Variants in SASH3 observed in about 807,000 individuals in gnomAD.
The protein encoded by SASH3 is SAM and SH3 domain-containing protein 3.
In SASH3, 7 loss-of-function variants were observed where a neutral mutation model predicts 26.1. The observed-to-expected ratio is 0.27, with a 90% CI of 0.15 to 0.50. The LOEUF is 0.50. Ranked by LOEUF, SASH3 falls within the 20% of genes least tolerant of loss-of-function variation. The pLI is 0.98. For missense variants in SASH3, 231 were observed against 318.3 expected, an observed-to-expected ratio of 0.73 and a Z score of 2.09; for synonymous variants, 138 against 136.8, an observed-to-expected ratio of 1.01 and a Z score of -0.06.
chrX:129,788,327 C>T lies in SASH3; in HGVS notation c.154-104C>T, dbSNP rs1360398322. The T allele has an allele frequency of 7.9e-6, 7 of 887,096 alleles. No individual in the cohort carries two copies. In the Admixed American group the frequency reaches 1.3e-4, roughly 16 times the overall value. The allele number at this position is 887,096 out of a possible 1,213,427, so 73.1% of individuals were successfully genotyped here. On this transcript the variant is annotated intron_variant, in intron 2 of 7. Coordinates refer to ENST00000356892, the MANE Select transcript of SASH3 (RefSeq NM_018990.4). The stretch of plus-strand genomic sequence containing the variant: ...GGAGGGGATGGGGGCCTCTCAGTTC[C>T]ACCCCCTCCAGCTTCTGCTGTGACC...
chrX:129,782,109 T>A (rs1927027564), intron 1 of SASH3, among the ~76,000 whole-genome samples: 1 of 112,518 alleles, frequency 8.9e-6, no homozygotes. Context: ...GCAAGAAAGC[T>A]GAGCTGGAAT....
chrX:129,793,545 G>T, intron 7 of SASH3, 97 bp from the exon 8 acceptor site: 1 of 898,587 alleles, frequency 1.1e-6, no homozygotes. Context: ...GGGGCAGGGC[G>T]GTGGCAGGTG....
intron 1 of SASH3, 78 bp downstream of exon 1, chrX:129,780,232 G>A: frequency 2.0e-6 from 2 of 979,958 alleles, no homozygotes; most frequent in Non-Finnish European, 2.9e-6. Flanking sequence ...CTTGGAAGTG[G>A]GAAGAGCCAA....
At position 129,788,496 on chromosome X, in the gene SASH3, G is replaced by A. The variant is rs1334170684; in HGVS notation, c.219G>A (p.Gly73=). Reference sequence around the variant, plus strand: ...CTGGGAAGAGTGGCAAAAAGCTGGGGAAGAAGTGGAGGGCAGTGATTTCCC... The same window carrying A: ...CTGGGAAGAGTGGCAAAAAGCTGGGAAAGAAGTGGAGGGCAGTGATTTCCC... The part of the protein sequence containing the change: ...EDAGKSGKKL[G]KKWRAVISRT... Residue 73 remains glycine (G), a synonymous_variant, in exon 3 of 8, where the codon GGG becomes GGA. Transcript: ENST00000356892. 2.5e-6 allele frequency: 3 copies of A among 1,211,546 alleles called. No homozygotes were observed. The highest frequency in any genetic ancestry group is 3.4e-6 in the Non-Finnish European group (3 of 895,127).
Position 129,792,371 on chromosome X carries a change from G to A in SASH3, c.486G>A (p.Gly162=). Residue 162 remains glycine (G), a synonymous_variant, in exon 5 of 8, where the codon GGG becomes GGA. Transcript: ENST00000356892. ...CSPSPGSGSF[G]EEPPAPQYTG... Reference sequence around the variant, plus strand: ...CCAGCCCAGGTTCTGGCAGCTTCGGGGAGGAACCACCTGCCCCCCAGTACA... The same window carrying A: ...CCAGCCCAGGTTCTGGCAGCTTCGGAGAGGAACCACCTGCCCCCCAGTACA... 8.3e-7 allele frequency: 1 copy of A among 1,211,075 alleles called. No homozygotes were observed.
chrX:129,792,914 C>T, intron 6 of SASH3, 75 bp from the exon 7 acceptor site: 1 of 1,195,980 alleles, frequency 8.4e-7, no homozygotes, highest in Non-Finnish European at 1.1e-6. Context: ...GAAATGACAG[C>T]TATGCGTAGT....
intron 1 of SASH3, among the ~76,000 whole-genome samples, chrX:129,786,571 G>A (rs145633989): frequency 0.012 from 1,294 of 111,949 alleles, 18 homozygotes; most frequent in African/African-American, 0.039. Context: ...GTTCCTGTGT[G>A]TATCTTCTGG....
At chrX:129,793,232 T>A (rs1927265387) in intron 7 of SASH3, 93 bp downstream of exon 7, 10 of 1,005,380 alleles carry the variant, frequency 9.9e-6, no homozygotes, top group Non-Finnish European at 1.4e-5. Context: ...CTGTCCACGC[T>A]CTGCCCTAGG....
rs776424343 is a variant in SASH3 at position 129,792,369 on chromosome X, G to C, written c.484G>C (p.Gly162Arg). 8.3e-7 allele frequency: 1 copy of C among 1,210,783 alleles called. No homozygotes were observed. ...CSPSPGSGSF[G>R]EEPPAPQYTG... ...CCCCAGCCCAGGTTCTGGCAGCTTC[G>C]GGGAGGAACCACCTGCCCCCCAGTA... The change falls in exon 5 of 8, where the codon GGG (glycine) becomes CGG (arginine). Residue 162 changes from glycine to arginine, a missense_variant. Transcript: ENST00000356892.
chrX:129,784,826 G>T, intron 1 of SASH3, among the ~76,000 whole-genome samples: 1 of 110,544 alleles, frequency 9.0e-6, no homozygotes, highest in South Asian at 3.8e-4. Context: ...CAATAGCATA[G>T]GTGAGTTCTG....
intron 3 of SASH3, among the ~76,000 whole-genome samples, chrX:129,789,110 A>AAAGAAAGAAAGAAAG (rs1927168316): frequency 5.0e-5 from 1 of 19,854 alleles, no homozygotes; most frequent in Non-Finnish European, 8.3e-5. Flanking sequence ...TCAAAAAAAA[A>AAAGAAAGAAAGAAAG]AAGAAAGAAA....
Position 129,793,699 on chromosome X carries a change from C to T in SASH3, c.1010C>T (p.Thr337Ile). The change falls in exon 8 of 8, where the codon ACA becomes ATA. Residue 337 changes from threonine to isoleucine, a missense_variant. Transcript: ENST00000356892. ...AESSQEPVAH[T>I]VSEPKVDIPR... ...AGCAGCCAGGAGCCAGTGGCACACA[C>T]AGTGTCGGAACCCAAGGTGGACATC... 2.5e-6 allele frequency: 3 copies of T among 1,212,258 alleles called. No individual in the cohort carries two copies. The highest frequency in any genetic ancestry group is 2.2e-6 in the Non-Finnish European group (2 of 895,523).
intron 3 of SASH3, among the ~76,000 whole-genome samples, chrX:129,790,321 C>G (rs777820966): frequency 1.8e-5 from 2 of 110,306 alleles, no homozygotes; most frequent in African/African-American, 3.3e-5. Flanking sequence ...GAATTGGCAA[C>G]TCATCAGGGC....
intron 3 of SASH3, 97 bp from the exon 4 acceptor site, chrX:129,790,843 C>A: frequency 2.0e-6 from 2 of 994,732 alleles, no homozygotes; most frequent in Admixed American, 3.0e-5. Context: ...GGGGTTTGAG[C>A]CAGCCCCTAG....
intron 1 of SASH3, among the ~76,000 whole-genome samples, chrX:129,787,226 T>C (rs934899720): frequency 3.6e-5 from 4 of 112,450 alleles, no homozygotes; most frequent in African/African-American, 9.7e-5. Flanking sequence ...TAATAGGTCA[T>C]GCCTAAAAGT....
chrX:129,784,671 C>G (rs936389006), intron 1 of SASH3, among the ~76,000 whole-genome samples: 1 of 111,572 alleles, frequency 9.0e-6, no homozygotes, highest in African/African-American at 3.3e-5. Context: ...GGAACACTTG[C>G]CCTGATGTGA....
rs1247247343 is a variant in SASH3 at position 129,780,063 on chromosome X, G to A, written c.-35G>A. 2.5e-6 allele frequency: 3 copies of A among 1,200,315 alleles called. No homozygotes were observed. The highest frequency in any genetic ancestry group is 2.3e-6 in the Non-Finnish European group (2 of 886,756). ...GAGGCCTCTGCATCTTGACACCTAG[G>A]AGAGCAGGGACGGAGTCTCCCAGGG... On this transcript the variant is annotated 5_prime_UTR_variant, in exon 1 of 8. Transcript: ENST00000356892.
At chrX:129,792,601 C>A in intron 5 of SASH3, 26 bp from the exon 6 acceptor site, 1 of 1,203,266 alleles carries the variant, frequency 8.3e-7, no homozygotes, top group Non-Finnish European at 1.1e-6. Context: ...TCCCTTGCTC[C>A]CTTCTCCTCT....
At chrX:129,780,922 C>T (rs1927004926) in intron 1 of SASH3, among the ~76,000 whole-genome samples, 1 of 112,120 alleles carries the variant, frequency 8.9e-6, no homozygotes, top group South Asian at 3.6e-4. Flanking sequence ...AGGTGTTCAT[C>T]CCCCTGGGGC....
Sources: allele counts gnomAD v4.1 joint callset (sites outside exome capture counted in the v4.1 genomes callset), GRCh38; gene constraint gnomAD v4.1.1; transcripts MANE v1.5; gene names NCBI Gene and HGNC (gene_info 2026-07-23, HGNC 2026-07-21).